Variants in RGS10 observed in about 807,000 individuals in gnomAD.
The protein encoded by RGS10 is regulator of G-protein signalling 10.
In RGS10, 11 loss-of-function variants were observed where a neutral mutation model predicts 23.5. That is an observed-to-expected ratio of 0.47 (90% CI 0.29 to 0.77). RGS10 has a LOEUF of 0.77. RGS10 is among the 30% of genes least tolerant of loss of function. RGS10 has a pLI of 0.08. For missense variants in RGS10, 180 were observed against 226.3 expected, an observed-to-expected ratio of 0.80 and a Z score of 1.31; for synonymous variants, 77 against 83.2, an observed-to-expected ratio of 0.92 and a Z score of 0.41.
In RGS10 at chr10:119,513,458, G is replaced by A. The variant is rs192660918; in HGVS notation, c.399+2051C>T. Among the ~76,000 whole-genome samples, 7 of 151,136 alleles carry A rather than the reference G, an allele frequency of 4.6e-5. No individual in the cohort carries two copies. In the East Asian group the frequency reaches 1.2e-3, roughly 25 times the overall value. The stretch of plus-strand genomic sequence containing the variant: ...CAGGGCAACAGAGGGACATCCTGTC[G>A]CAAAAATAAAATAAAATAAATAAAT... On this transcript the variant is annotated intron_variant, in intron 4 of 4. Coordinates refer to ENST00000369103, the MANE Select transcript of RGS10 (RefSeq NM_001005339.2).
At chr10:119,522,441 G>A (rs1966241) in intron 3 of RGS10, among the ~76,000 whole-genome samples, 143,131 of 152,258 alleles carry the variant, frequency 0.94, 67,351 homozygotes, top group Middle Eastern at 0.97. Context: ...AGAACTGGCC[G>A]GGCGCGGTGG....
intron 4 of RGS10, among the ~76,000 whole-genome samples, chr10:119,512,834 G>A (rs559506844): frequency 6.6e-6 from 1 of 152,164 alleles, no homozygotes; most frequent in African/African-American, 2.4e-5. Context: ...AGGCGTGAGC[G>A]ACTGAGCCCA....
intron 3 of RGS10, among the ~76,000 whole-genome samples, chr10:119,520,603 A>G (rs1474987592): frequency 6.6e-6 from 1 of 152,148 alleles, no homozygotes; most frequent in Non-Finnish European, 1.5e-5. Flanking sequence ...GCCGAACCGA[A>G]TAAAGGGATT....
intron 1 of RGS10, chr10:119,536,456 T>C (rs1357597378): frequency 6.2e-7 from 1 of 1,613,050 alleles, no homozygotes; most frequent in Admixed American, 1.7e-5. Flanking sequence ...GTGGGGGCGA[T>C]TCCTTACGTT....
rs1282629267 is a variant in RGS10 at position 119,510,908 on chromosome 10, C to T, written c.399+4601G>A. ...TAATTTTTTGTATTTTTAGTAGAGA[C>T]GGAGTTTCACCGTGTTAGCTAGGAT... On this transcript the variant is annotated intron_variant, in intron 4 of 4. Transcript: ENST00000369103. Among the ~76,000 whole-genome samples, 9 of 151,336 alleles carry T rather than the reference C, an allele frequency of 5.9e-5. No homozygotes were observed. In the East Asian group the frequency reaches 6.2e-4, roughly 10 times the overall value.
intron 3 of RGS10, among the ~76,000 whole-genome samples, chr10:119,523,910 G>T (rs1454400092): frequency 6.6e-6 from 1 of 152,118 alleles, no homozygotes; most frequent in East Asian, 1.9e-4. Flanking sequence ...AGGTGTGGCT[G>T]CCCTGCCAGC....
intron 1 of RGS10, among the ~76,000 whole-genome samples, chr10:119,537,648 C>T (rs755470284): frequency 3.7e-4 from 56 of 152,288 alleles, no homozygotes; most frequent in Non-Finnish European, 6.0e-4. Flanking sequence ...TATTTTCTCA[C>T]AGAACTTAAA....
At chr10:119,533,057 A>AG (rs11382927) in intron 1 of RGS10, among the ~76,000 whole-genome samples, 2 of 145,758 alleles carry the variant, frequency 1.4e-5, no homozygotes, top group East Asian at 4.1e-4. Context: ...AAAAAAAAAA[A>AG]TCATAAAAAA....
chr10:119,532,993 T>C (rs1322855897), intron 1 of RGS10, among the ~76,000 whole-genome samples: 1 of 150,036 alleles, frequency 6.7e-6, no homozygotes, highest in Non-Finnish European at 1.5e-5. Flanking sequence ...TGAGCCGATA[T>C]TGCGCCACTG....
chr10:119,501,080 C>A (rs1198242727), intron 4 of RGS10, among the ~76,000 whole-genome samples: 1 of 152,178 alleles, frequency 6.6e-6, no homozygotes, highest in Non-Finnish European at 1.5e-5. Flanking sequence ...TTGTGACCAG[C>A]ATTCATTCTC....
chr10:119,536,820 C>G (rs980643922), intron 1 of RGS10, among the ~76,000 whole-genome samples: 4 of 152,150 alleles, frequency 2.6e-5, no homozygotes, highest in Non-Finnish European at 4.4e-5. Flanking sequence ...TGTGTGTCCT[C>G]TGGGGCCTGA....
intron 4 of RGS10, chr10:119,515,306 G>T: frequency 1.7e-6 from 1 of 604,142 alleles, no homozygotes; most frequent in East Asian, 2.9e-5. Context: ...AAACAGGCCT[G>T]GGGGGACTCC....
chr10:119,536,575 T>G, intron 1 of RGS10: 1 of 1,483,038 alleles, frequency 6.7e-7, no homozygotes, highest in Non-Finnish European at 9.1e-7. Flanking sequence ...CCGAGCACCC[T>G]TGGGTCCGAA....
chr10:119,509,444 A>G (rs991727086), intron 4 of RGS10, among the ~76,000 whole-genome samples: 25 of 151,184 alleles, frequency 1.7e-4, no homozygotes, highest in Non-Finnish European at 2.2e-4. Context: ...AAAAAAAAAA[A>G]TCTGAGCATG....
chr10:119,533,345 T>TA (rs758945940), intron 1 of RGS10, among the ~76,000 whole-genome samples: 12 of 144,000 alleles, frequency 8.3e-5, no homozygotes, highest in East Asian at 4.0e-4. Context: ...GAAAAAAGTT[T>TA]AAAAAAAAAA....
chr10:119,519,370 C>CCTGTCTCCCTGTGTCTGTCTCCCAGCTT (rs1844184384), intron 3 of RGS10, among the ~76,000 whole-genome samples: 1 of 136,606 alleles, frequency 7.3e-6, no homozygotes, highest in Non-Finnish European at 1.6e-5. Context: ...TCCCCCAGCT[C>CCTGTCTCCCTGTGTCTGTCTCCCAGCTT]CTGTCTCCCT....
At position 119,538,600 on chromosome 10, in the gene RGS10, C is replaced by T. The variant is rs1212400085; in HGVS notation, c.49+3990G>A. On this transcript the variant is annotated intron_variant, in intron 1 of 4. Transcript: ENST00000369103. This position sits in a 1 kb window ranked among gnomAD's most constrained non-coding sequence, Gnocchi z 4.5. Reference sequence around the variant, plus strand: ...GGAAGGACTCAGTCAGATAAGGGGTCCCCCACCAGGCAGTGGGGCAGCAAG... The same window carrying T: ...GGAAGGACTCAGTCAGATAAGGGGTTCCCCACCAGGCAGTGGGGCAGCAAG... 2.6e-5 allele frequency among the ~76,000 whole-genome samples: 4 copies of T among 152,110 alleles called. No individual in the cohort carries two copies. Among genetic ancestry groups the T allele is most frequent in the African/African-American group, 9.7e-5 (4 of 41,418 alleles).
chr10:119,518,560 A>G (rs12262842), intron 3 of RGS10, among the ~76,000 whole-genome samples: 30,283 of 151,888 alleles, frequency 0.2, 3,319 homozygotes, highest in Middle Eastern at 0.28. Flanking sequence ...GACGAACAGC[A>G]AAGTCACCAG....
chr10:119,503,711 G>A (rs746549878), intron 4 of RGS10, among the ~76,000 whole-genome samples: 25 of 152,166 alleles, frequency 1.6e-4, no homozygotes, highest in Non-Finnish European at 3.4e-4. Flanking sequence ...GTGCCATCAG[G>A]GTTGGTTTCT....
Sources: allele counts gnomAD v4.1 joint callset (sites outside exome capture counted in the v4.1 genomes callset), GRCh38; gene constraint gnomAD v4.1.1; non-coding constraint Gnocchi (gnomAD v3.1); transcripts MANE v1.5; gene names NCBI Gene and HGNC (gene_info 2026-07-23, HGNC 2026-07-21).